Variants in SEC24A observed in about 807,000 individuals in gnomAD.
SEC24A encodes SEC24 homolog A, COPII component.
SEC24A carries 93 observed loss-of-function variants against 129.4 expected under a neutral mutation model. That is an observed-to-expected ratio of 0.72 (90% confidence interval 0.61 to 0.85). The LOEUF (loss-of-function observed/expected upper bound fraction) is 0.85. SEC24A is among the 40% of genes least tolerant of loss of function. The pLI is 0.00. For synonymous variants in SEC24A, 460 were observed against 467.3 expected (o/e 0.98, Z 0.20); for missense variants, 1,264 against 1,307.4 (o/e 0.97, Z 0.51).
At position 134,727,874 on chromosome 5, in the gene SEC24A, C is replaced by T. The variant is rs1752792525; in HGVS notation, c.*2780C>T. On this transcript the variant is annotated 3_prime_UTR_variant, in exon 23 of 23. Coordinates refer to ENST00000398844, the MANE Select transcript of SEC24A (RefSeq NM_021982.3). ...TGTTTGATCTATGCTAACTTATCAA[C>T]TTGGCTATTCAATAAAGTTAATTGA... is the stretch of plus-strand genomic sequence containing the variant. 1 of 151,644 alleles carries T rather than the reference C, an allele frequency of 6.6e-6. No individual in the cohort carries two copies. Among genetic ancestry groups the T allele is most frequent in the Non-Finnish European group, 1.5e-5 (1 of 67,886 alleles). The allele number at this position is 151,644 out of a possible 1,614,324, so 9.4% of individuals were successfully genotyped here. A position where few individuals can be genotyped will look rare whatever the true frequency, so the allele number is the denominator to read the frequency against.
intron 2 of SEC24A, among the ~76,000 whole-genome samples, chr5:134,664,821 C>T (rs1303186276): frequency 3.3e-5 from 3 of 91,122 alleles, no homozygotes; most frequent in East Asian, 3.3e-4. Context: ...TTTTTTGAGA[C>T]GGAGCCTTAC....
At chr5:134,724,470 C>T (rs1204261595) in intron 22 of SEC24A, among the ~76,000 whole-genome samples, 1 of 152,072 alleles carries the variant, frequency 6.6e-6, no homozygotes, top group Non-Finnish European at 1.5e-5. Context: ...TGCCTGTAAT[C>T]CCAGCTACTC....
Position 134,682,353 on chromosome 5 carries a change from G to A in SEC24A, c.1382-20G>A, listed in dbSNP as rs1364183321. The stretch of plus-strand genomic sequence containing the variant: ...ATTCTTTTCAGTTTTTTCAATATGT[G>A]TATTGTTAACTTTATATAGTTCCTG... On this transcript the variant is annotated intron_variant, in intron 8 of 22. Transcript: ENST00000398844. 1 of 1,283,860 alleles carries A rather than the reference G, an allele frequency of 7.8e-7. No individual in the cohort carries two copies. The highest frequency in any genetic ancestry group is 1.1e-6 in the Non-Finnish European group (1 of 894,776). The allele number at this position is 1,283,860 out of a possible 1,614,324, so 79.5% of individuals were successfully genotyped here.
chr5:134,667,361 G>A (rs1456048027), intron 3 of SEC24A, among the ~76,000 whole-genome samples: 1 of 151,932 alleles, frequency 6.6e-6, no homozygotes, highest in East Asian at 1.9e-4. Context: ...CATTCAAGAC[G>A]TATTTTGAGC....
chr5:134,702,138 G>C (rs1331843754), intron 15 of SEC24A, among the ~76,000 whole-genome samples: 1 of 151,804 alleles, frequency 6.6e-6, no homozygotes, highest in Non-Finnish European at 1.5e-5. Context: ...ATTTTTATAC[G>C]TACAGACACA....
intron 21 of SEC24A, among the ~76,000 whole-genome samples, chr5:134,722,840 A>T (rs1317623365): frequency 2.6e-5 from 4 of 152,080 alleles, no homozygotes; most frequent in African/African-American, 9.7e-5. Context: ...CAAGAAGATG[A>T]TCAGGTGATT....
At chr5:134,671,339 C>T (rs1302649453) in intron 3 of SEC24A, among the ~76,000 whole-genome samples, 1 of 152,176 alleles carries the variant, frequency 6.6e-6, no homozygotes. Context: ...GGATTACAGG[C>T]GTGAGCCACC....
chr5:134,698,064 A>C lies in SEC24A; in HGVS notation c.2266+7A>C. The C allele has an allele frequency of 6.2e-7, 1 of 1,601,490 alleles. No homozygotes were observed. Among genetic ancestry groups the C allele is most frequent in the South Asian group, 1.1e-5 (1 of 88,238 alleles). ...AGGATTCGGTGCACCAAAGGTAGGAATATTTTTTTTTTGCGTAGGACTGAA... is the reference window on the plus strand; with the variant it reads ...AGGATTCGGTGCACCAAAGGTAGGACTATTTTTTTTTTGCGTAGGACTGAA... On this transcript the variant is annotated splice_region_variant and intron_variant, in intron 15 of 22. Coordinates refer to ENST00000398844, the MANE Select transcript of SEC24A (RefSeq NM_021982.3).
intron 9 of SEC24A, among the ~76,000 whole-genome samples, chr5:134,683,882 A>T (rs1247105148): frequency 6.6e-6 from 1 of 152,204 alleles, no homozygotes; most frequent in African/African-American, 2.4e-5. Flanking sequence ...TGACATGCCA[A>T]ATTTCACTTA....
chr5:134,655,886 A>G (rs987921040), intron 1 of SEC24A, among the ~76,000 whole-genome samples: 2 of 151,662 alleles, frequency 1.3e-5, no homozygotes, highest in African/African-American at 4.8e-5. Context: ...AGTATTCTCA[A>G]TATTTCTTCC....
At position 134,721,086 on chromosome 5, in the gene SEC24A, C is replaced by T; in HGVS notation, c.3059C>T (p.Pro1020Leu). The change falls in exon 21 of 23, where the codon CCT becomes CTT. Residue 1020 changes from proline (P) to leucine (L), a missense_variant. Coordinates refer to ENST00000398844, the MANE Select transcript of SEC24A (RefSeq NM_021982.3). The stretch of plus-strand genomic sequence containing the variant: ...CAAAACTATGCATCAATTCCACAGC[C>T]TATGGTAAGACTCTTTTATTATAGT... Reference protein sequence around the residue: ...GVQNYASIPQPMTDLPELDTP... With the variant: ...GVQNYASIPQLMTDLPELDTP... 1 of 1,583,804 alleles carries T rather than the reference C, an allele frequency of 6.3e-7. No homozygotes were observed. The highest frequency in any genetic ancestry group is 1.7e-4 in the Middle Eastern group (1 of 5,990).
At chr5:134,696,874 C>T (rs572779202) in intron 13 of SEC24A, among the ~76,000 whole-genome samples, 27 of 151,962 alleles carry the variant, frequency 1.8e-4, no homozygotes, top group African/African-American at 5.8e-4. Flanking sequence ...GCAGTCCACC[C>T]GCCTTGGCTT....
Position 134,693,814 on chromosome 5 carries a change from G to C in SEC24A, c.1867G>C (p.Ala623Pro). The C allele has an allele frequency of 6.2e-7, 1 of 1,614,164 alleles. No homozygotes were observed. Among genetic ancestry groups the C allele is most frequent in the Non-Finnish European group, 8.5e-7 (1 of 1,180,002 alleles). Reference protein sequence around the residue: ...QSALGPALQAAFKLMSPTGGR... With the variant: ...QSALGPALQAPFKLMSPTGGR... ...TGCCTTGGGTCCTGCACTGCAGGCT[G>C]CCTTTAAGCTGATGTCTCCAACTGG... is the stretch of plus-strand genomic sequence containing the variant. Residue 623 changes from alanine (A) to proline (P), a missense_variant, in exon 13 of 23, where the codon GCC becomes CCC. Ala to Pro is a conservative substitution (Grantham distance 27). Transcript: ENST00000398844.
chr5:134,705,259 G>A (rs1752126276), intron 16 of SEC24A, 68 bp from the exon 17 acceptor site: 4 of 1,247,872 alleles, frequency 3.2e-6, no homozygotes, highest in Middle Eastern at 1.9e-4. Context: ...ATTTTTCCAA[G>A]TGACTTTAAC....
intron 2 of SEC24A, 53 bp downstream of exon 2, chr5:134,661,639 T>C: frequency 7.5e-7 from 1 of 1,337,244 alleles, no homozygotes; most frequent in South Asian, 1.3e-5. Context: ...CTTTTGCTTA[T>C]TTAGATGTTT....
chr5:134,657,182 G>GCACACACACA (rs70976550), intron 1 of SEC24A, among the ~76,000 whole-genome samples: 26 of 136,312 alleles, frequency 1.9e-4, no homozygotes, highest in African/African-American at 4.3e-4. Flanking sequence ...TCTGAAAAAC[G>GCACACACACA]CACACACACA....
At chr5:134,715,192 T>G in intron 19 of SEC24A, 31 bp downstream of exon 19, 1 of 1,585,224 alleles carries the variant, frequency 6.3e-7, no homozygotes, top group Non-Finnish European at 8.6e-7. Context: ...GTGGTTTTAC[T>G]TGAAGATTAG....
At chr5:134,707,264 T>C (rs1334108509) in intron 17 of SEC24A, among the ~76,000 whole-genome samples, 1 of 152,172 alleles carries the variant, frequency 6.6e-6, no homozygotes, top group African/African-American at 2.4e-5. Flanking sequence ...CACTTTAGTC[T>C]TTTATGTTGT....
rs1752771218 is a variant in SEC24A at position 134,727,061 on chromosome 5, C to T, written c.*1967C>T. 6.6e-6 allele frequency: 1 copy of T among 152,474 alleles called. No homozygotes were observed. The highest frequency in any genetic ancestry group is 2.4e-5 in the African/African-American group (1 of 41,396). 9.4% of individuals were successfully genotyped at this position (152,474 alleles called of 1,614,324 possible). ...TTAGTTAGGATTCACAATATTTGTT[C>T]TCCACATAATGAGAGAATGAATGAG... On this transcript the variant is annotated 3_prime_UTR_variant, in exon 23 of 23. Coordinates refer to ENST00000398844, the MANE Select transcript of SEC24A (RefSeq NM_021982.3).
Sources: allele counts gnomAD v4.1 joint callset (sites outside exome capture counted in the v4.1 genomes callset), GRCh38; gene constraint gnomAD v4.1.1; transcripts MANE v1.5; gene names NCBI Gene and HGNC (gene_info 2026-07-23, HGNC 2026-07-21).